Variants in DGKI observed in about 807,000 individuals in gnomAD.
DGKI encodes the protein DAG kinase iota.
Under a neutral mutation model 147.5 loss-of-function variants are expected in DGKI, and 55 were observed. That is an observed-to-expected ratio of 0.37 (90% confidence interval 0.30 to 0.47). The LOEUF (loss-of-function observed/expected upper bound fraction) is 0.47, where lower values mean the gene tolerates loss of function less well. Among genes scored for constraint, DGKI ranks in the 20% least tolerant of loss-of-function variants. The pLI, the probability that DGKI is intolerant of heterozygous loss-of-function variation, is 1.00. For synonymous variants in DGKI, 469 were observed against 477.1 expected (o/e 0.98, Z 0.22); for missense variants, 1,007 against 1,323.8 (o/e 0.76, Z 3.71).
chr7:137,485,558 G>A (rs535512480), intron 22 of DGKI, 140 bp from the exon 23 acceptor site: 2 of 665,398 alleles, frequency 3.0e-6, no homozygotes, highest in South Asian at 2.1e-5. Flanking sequence ...AATTCATAAA[G>A]GTTAAATAAA....
chr7:137,688,753 C>G (rs1327619341), intron 2 of DGKI, among the ~76,000 whole-genome samples: 32 of 152,136 alleles, frequency 2.1e-4, no homozygotes, highest in South Asian at 2.1e-4. Context: ...CAAATATACT[C>G]TATTGTGGGT....
At chr7:137,828,627 G>C (rs1017545190) in intron 1 of DGKI, among the ~76,000 whole-genome samples, 1 of 152,042 alleles carries the variant, frequency 6.6e-6, no homozygotes, top group Non-Finnish European at 1.5e-5. Flanking sequence ...CACATTACTT[G>C]AGTTATTTTT....
intron 6 of DGKI, among the ~76,000 whole-genome samples, chr7:137,636,627 C>G (rs1224427891): frequency 6.6e-6 from 1 of 152,160 alleles, no homozygotes; most frequent in Non-Finnish European, 1.5e-5. Context: ...TTGCCCTGAG[C>G]CTAAAAGAGT....
intron 11 of DGKI, among the ~76,000 whole-genome samples, chr7:137,598,613 T>G (rs1819880325): frequency 6.6e-6 from 1 of 152,172 alleles, no homozygotes; most frequent in South Asian, 2.1e-4. Flanking sequence ...ACACTGCCCC[T>G]GCTAAATCTT....
At chr7:137,439,397 A>C (rs1813407012) in intron 28 of DGKI, among the ~76,000 whole-genome samples, 1 of 152,216 alleles carries the variant, frequency 6.6e-6, no homozygotes, top group Non-Finnish European at 1.5e-5. Flanking sequence ...GGGAGGCCTC[A>C]CAATCATGGC....
rs796902464 is a variant in DGKI at position 137,691,798 on chromosome 7, G to GTTTTTTTTTTTTTTTTTTTTTTTTTTT, written c.402-1797_402-1796insAAAAAAAAAAAAAAAAAAAAAAAAAAA. Among the ~76,000 whole-genome samples the GTTTTTTTTTTTTTTTTTTTTTTTTTTT allele has an allele frequency of 3.1e-5, 3 of 95,816 alleles. 1 individual carries two copies. Among genetic ancestry groups the GTTTTTTTTTTTTTTTTTTTTTTTTTTT allele is most frequent in the Non-Finnish European group, 6.0e-5 (3 of 50,142 alleles). The allele number at this position is 95,816 out of a possible 152,430, so 62.9% of individuals were successfully genotyped here. On this transcript the variant is annotated intron_variant, in intron 1 of 32. Transcript: ENST00000614521. The stretch of plus-strand genomic sequence containing the variant: ...GCTCAGCAAGTGTCTAGACCTTTGG[G>GTTTTTTTTTTTTTTTTTTTTTTTTTTT]TTTTTTTTTTTTTTTTTTTTTTTAA...
At chr7:137,527,013 A>T (rs569974629) in intron 20 of DGKI, among the ~76,000 whole-genome samples, 2 of 152,318 alleles carry the variant, frequency 1.3e-5, no homozygotes, top group African/African-American at 4.8e-5. Flanking sequence ...TGAATTATAT[A>T]GGAGTGATAT....
At chr7:137,670,199 G>A (rs1822793706) in intron 3 of DGKI, among the ~76,000 whole-genome samples, 1 of 152,132 alleles carries the variant, frequency 6.6e-6, no homozygotes, top group Admixed American at 6.5e-5. Flanking sequence ...AAAAGAAAAT[G>A]GGCTGTGCAA....
chr7:137,832,235 C>T (rs1798239594), intron 1 of DGKI, among the ~76,000 whole-genome samples: 1 of 152,208 alleles, frequency 6.6e-6, no homozygotes, highest in Non-Finnish European at 1.5e-5. Context: ...GGTGGTGCCC[C>T]AGGAGGGACT....
chr7:137,603,668 T>C (rs1213794659), intron 10 of DGKI, among the ~76,000 whole-genome samples: 1 of 152,120 alleles, frequency 6.6e-6, no homozygotes, highest in African/African-American at 2.4e-5. Flanking sequence ...TAAGCCCAAG[T>C]TGAGAGATTA....
intron 6 of DGKI, among the ~76,000 whole-genome samples, chr7:137,630,089 T>C (rs3800615): frequency 0.18 from 26,642 of 152,182 alleles, 7,044 homozygotes; most frequent in African/African-American, 0.58. Flanking sequence ...TCTGACAGTG[T>C]TGCAAATTAG....
intron 15 of DGKI, among the ~76,000 whole-genome samples, chr7:137,578,878 T>A (rs1201030970): frequency 6.6e-6 from 1 of 152,172 alleles, no homozygotes; most frequent in Non-Finnish European, 1.5e-5. Flanking sequence ...GTGTTTGGAA[T>A]AAAGTAGATA....
At chr7:137,533,726 ATATAT>A (rs764229480) in intron 20 of DGKI, among the ~76,000 whole-genome samples, 1 of 151,924 alleles carries the variant, frequency 6.6e-6, no homozygotes. Context: ...GGTCTTTATA[ATATAT>A]TATAAGACTG....
intron 29 of DGKI, 72 bp from the exon 30 acceptor site, chr7:137,408,067 AATGAGAGTC>A (rs1812023800): frequency 3.8e-6 from 6 of 1,570,712 alleles, no homozygotes; most frequent in Non-Finnish European, 5.2e-6. Flanking sequence ...CCGGTAATAA[AATGAGAGTC>A]ATGTAGCAGA....
chr7:137,640,125 C>G (rs191348324), intron 6 of DGKI, among the ~76,000 whole-genome samples: 3 of 151,820 alleles, frequency 2.0e-5, no homozygotes. Context: ...GATCTCTAGG[C>G]CTTACTCGGC....
intron 21 of DGKI, among the ~76,000 whole-genome samples, chr7:137,511,807 C>T (rs764949789): frequency 1.3e-5 from 2 of 152,300 alleles, no homozygotes; most frequent in South Asian, 2.1e-4. Flanking sequence ...TTGCTGATAG[C>T]GCACAGCTGA....
chr7:137,559,890 A>G (rs1438347324), intron 19 of DGKI, among the ~76,000 whole-genome samples: 2 of 152,222 alleles, frequency 1.3e-5, no homozygotes, highest in Non-Finnish European at 2.9e-5. Context: ...CAGAATCAAT[A>G]AAATATAATG....
chr7:137,638,442 A>G (rs1821411150), intron 6 of DGKI, among the ~76,000 whole-genome samples: 1 of 127,524 alleles, frequency 7.8e-6, no homozygotes, highest in South Asian at 2.5e-4. Context: ...ATATATATAT[A>G]TACACACACA....
rs116903614 is a variant in DGKI at position 137,740,489 on chromosome 7, A to T, written c.402-50487T>A. Among the ~76,000 whole-genome samples, 183 of 152,312 alleles carry T rather than the reference A, an allele frequency of 1.2e-3. 5 individuals carry two copies. The East Asian group carries it at 0.03, about 25-fold the overall frequency. On this transcript the variant is annotated intron_variant, in intron 1 of 32. Coordinates refer to ENST00000614521, the MANE Select transcript of DGKI (RefSeq NM_001321708.2). ...AATGGCAGGTGTATGGTGTAAAGCT[A>T]TCAAGCTGTTTCTTGGGATTCACCA... is the stretch of plus-strand genomic sequence containing the variant.
Sources: gnomAD v4.1 joint callset for allele counts (sites outside exome capture counted in the v4.1 genomes callset) on GRCh38, gnomAD v4.1.1 for gene constraint, MANE v1.5 for transcripts, NCBI Gene and HGNC (gene_info 2026-07-23, HGNC 2026-07-21) for gene names.